Variants in ARHGAP20 observed in about 807,000 individuals in gnomAD.
ARHGAP20 encodes the protein Rho GTPase activating protein 20, also known as rho GTPase-activating protein 20.
A neutral mutation model predicts 73.7 loss-of-function variants in ARHGAP20; 34 were observed. The observed-to-expected ratio is 0.46, with a 90% CI of 0.35 to 0.61. The LOEUF is 0.61. Among genes scored for constraint, ARHGAP20 ranks in the 20% least tolerant of loss-of-function variants. The pLI is 0.00. For missense variants in ARHGAP20, 1,314 were observed against 1,420.9 expected, an observed-to-expected ratio of 0.92 and a Z score of 1.21; for synonymous variants, 523 against 518.2, an observed-to-expected ratio of 1.01 and a Z score of -0.13.
At chr11:110,629,750 A>G (rs1358673496) in intron 3 of ARHGAP20, among the ~76,000 whole-genome samples, 1 of 152,234 alleles carries the variant, frequency 6.6e-6, no homozygotes, top group African/African-American at 2.4e-5. Context: ...GCCACAAGCC[A>G]CTGAGTAACT....
chr11:110,618,727 G>A (rs1352155684), intron 4 of ARHGAP20, among the ~76,000 whole-genome samples: 5 of 143,682 alleles, frequency 3.5e-5, no homozygotes, highest in East Asian at 2.1e-4. Context: ...CAGTGAGAGT[G>A]TATGCAGTGA....
chr11:110,611,455 TG>T, intron 6 of ARHGAP20, 69 bp from the exon 7 acceptor site: 13 of 788,302 alleles, frequency 1.6e-5, no homozygotes, highest in Non-Finnish European at 2.5e-5. Context: ...AAATAATCAT[TG>T]TCAAATGATT....
Position 110,579,734 on chromosome 11 carries a change from A to T in ARHGAP20, c.3212T>A (p.Leu1071Ter). 6.2e-7 allele frequency: 1 copy of T among 1,613,998 alleles called. No individual in the cohort carries two copies. The change falls in exon 15 of 15, where the codon TTA (leucine) becomes TAA (stop). Residue 1071 changes from leucine to a stop codon, truncating the protein, a stop_gained. Coordinates refer to ENST00000683387, the MANE Select transcript of ARHGAP20 (RefSeq NM_001384657.1). LOFTEE classifies it low-confidence loss of function (END_TRUNC). The stretch of plus-strand genomic sequence containing the variant: ...ACCAGAAGCATGTGGGGGTGGCTCT[A>T]AGGGTCCTTTTGGAGAAGCTATTTT... ...EEKIASPKGP[L>*]EPPPHASGVP...
chr11:110,627,539 A>T (rs1351762979), intron 3 of ARHGAP20, among the ~76,000 whole-genome samples: 3 of 152,188 alleles, frequency 2.0e-5, no homozygotes, highest in Admixed American at 6.5e-5. Context: ...ATTTCTCCCC[A>T]TTCTAAGATA....
chr11:110,592,123 A>C lies in ARHGAP20; in HGVS notation c.997T>G (p.Ser333Ala). The change falls in exon 10 of 15, where the codon TCT becomes GCT. Residue 333 changes from serine (S) to alanine (A), a missense_variant. Coordinates refer to ENST00000683387, the MANE Select transcript of ARHGAP20 (RefSeq NM_001384657.1). ...CGCCAGAAGGCCCAGTTTATGATAG[A>C]TCTTCTCCTTTTAAATGTCTTATGA... is the stretch of plus-strand genomic sequence containing the variant. ...SGHKTFKRRR[S>A]IINWAFWRGS... 1.9e-6 allele frequency: 3 copies of C among 1,614,064 alleles called. No individual in the cohort carries two copies. Among genetic ancestry groups the C allele is most frequent in the Non-Finnish European group, 2.5e-6 (3 of 1,179,962 alleles).
At chr11:110,645,847 T>C (rs551407949) in intron 2 of ARHGAP20, among the ~76,000 whole-genome samples, 175 of 152,328 alleles carry the variant, frequency 1.1e-3, no homozygotes, top group African/African-American at 4.1e-3. Context: ...GCCATTATCC[T>C]AAGTGAACTA....
chr11:110,580,567 G>A lies in ARHGAP20; in HGVS notation c.2379C>T (p.Phe793=). ...AAATGGCCACTGGCTTAGACTTAGG[G>A]AAAAGTTTCACGTGATTTCCTTCAC... ...SGSEGNHVKL[F]PKSKPVAISV... is the part of the protein sequence containing the mutation. Residue 793 remains phenylalanine (F), a synonymous_variant, in exon 15 of 15, where the codon TTC becomes TTT. Transcript: ENST00000683387. 1.2e-6 allele frequency: 2 copies of A among 1,614,210 alleles called. No individual in the cohort carries two copies. Among genetic ancestry groups the A allele is most frequent in the Non-Finnish European group, 1.7e-6 (2 of 1,180,042 alleles).
chr11:110,637,448 T>C (rs1422069422), intron 2 of ARHGAP20, among the ~76,000 whole-genome samples: 1 of 152,124 alleles, frequency 6.6e-6, no homozygotes, highest in Non-Finnish European at 1.5e-5. Context: ...AGTTCTACCA[T>C]GAAAACTTTT....
chr11:110,584,418 G>GT (rs765253941), intron 12 of ARHGAP20, among the ~76,000 whole-genome samples: 1,487 of 140,786 alleles, frequency 0.011, 16 homozygotes, highest in African/African-American at 0.02. Flanking sequence ...ATTCATGACT[G>GT]TTTTTTTTTT....
At chr11:110,630,277 T>C (rs1248983079) in intron 3 of ARHGAP20, among the ~76,000 whole-genome samples, 2 of 152,130 alleles carry the variant, frequency 1.3e-5, no homozygotes, top group African/African-American at 4.8e-5. Flanking sequence ...AGCACCCTAT[T>C]TTCTTCATAG....
intron 2 of ARHGAP20, among the ~76,000 whole-genome samples, chr11:110,648,171 A>AC (rs1949242502): frequency 4.1e-5 from 3 of 72,588 alleles, no homozygotes; most frequent in Non-Finnish European, 5.6e-5. Flanking sequence ...ATATATATGT[A>AC]AATATATATA....
At position 110,583,680 on chromosome 11, in the gene ARHGAP20, C is replaced by A; in HGVS notation, c.1473G>T (p.Val491=). 2 of 1,609,914 alleles carry A rather than the reference C, an allele frequency of 1.2e-6. No individual in the cohort carries two copies. The change falls in exon 13 of 15, where the codon GTG becomes GTT. Residue 491 remains valine, a synonymous_variant. Transcript: ENST00000683387. The stretch of plus-strand genomic sequence containing the variant: ...AGGAATGTTGCTCAATGTTGTGTAA[C>A]ACCCCAAAAAGATACCTTAGGAGAA... ...NVVLLRYLFG[V]LHNIEQHSSS...
chr11:110,676,135 T>C (rs1218857421), intron 2 of ARHGAP20, among the ~76,000 whole-genome samples: 1 of 152,224 alleles, frequency 6.6e-6, no homozygotes, highest in African/African-American at 2.4e-5. Flanking sequence ...TATAATTGTA[T>C]ACACTTTCAG....
intron 1 of ARHGAP20, among the ~76,000 whole-genome samples, chr11:110,694,417 T>C (rs1467943297): frequency 6.6e-6 from 1 of 151,666 alleles, no homozygotes; most frequent in Admixed American, 6.6e-5. Context: ...TCTGCAGTTA[T>C]ATTCAGTATT....
intron 3 of ARHGAP20, among the ~76,000 whole-genome samples, chr11:110,626,598 G>C (rs1314829845): frequency 6.6e-5 from 10 of 152,180 alleles, no homozygotes; most frequent in Non-Finnish European, 1.5e-4. Context: ...GGACAGTGTT[G>C]ACTCCTGAGC....
At chr11:110,646,698 T>A (rs1388724867) in intron 2 of ARHGAP20, among the ~76,000 whole-genome samples, 2 of 152,268 alleles carry the variant, frequency 1.3e-5, no homozygotes, top group East Asian at 3.9e-4. Context: ...AAATCCCAAA[T>A]TATATTCCAT....
At chr11:110,639,259 T>A in intron 2 of ARHGAP20, among the ~76,000 whole-genome samples, 1 of 149,816 alleles carries the variant, frequency 6.7e-6, no homozygotes, top group East Asian at 2.0e-4. Flanking sequence ...ACAAGAGTTT[T>A]AAAAAACATT....
Position 110,579,288 on chromosome 11 carries a change from T to A in ARHGAP20, c.*82A>T. 6.8e-7 allele frequency: 1 copy of A among 1,474,880 alleles called. No individual in the cohort carries two copies. Among genetic ancestry groups the A allele is most frequent in the Non-Finnish European group, 9.0e-7 (1 of 1,112,418 alleles). The allele number at this position is 1,474,880 out of a possible 1,614,324, so 91.4% of individuals were successfully genotyped here. ...CCTTATGCTACCTCTCCCAGGTATCTTATACAAAGGGGTCATAATAATTAT... is the reference window on the plus strand; with the variant it reads ...CCTTATGCTACCTCTCCCAGGTATCATATACAAAGGGGTCATAATAATTAT... On this transcript the variant is annotated 3_prime_UTR_variant, in exon 15 of 15. Coordinates refer to ENST00000683387, the MANE Select transcript of ARHGAP20 (RefSeq NM_001384657.1).
At chr11:110,602,150 C>T (rs938975346) in intron 9 of ARHGAP20, among the ~76,000 whole-genome samples, 1 of 152,086 alleles carries the variant, frequency 6.6e-6, no homozygotes, top group Non-Finnish European at 1.5e-5. Context: ...CTGCTCAGGG[C>T]ACTACAAATT....
Sources: gnomAD v4.1 joint callset for allele counts (sites outside exome capture counted in the v4.1 genomes callset) on GRCh38, gnomAD v4.1.1 for gene constraint, MANE v1.5 for transcripts, NCBI Gene and HGNC (gene_info 2026-07-23, HGNC 2026-07-21) for gene names.